Variants in CCDC171 observed in about 807,000 individuals in gnomAD.
CCDC171 encodes the protein coiled-coil domain-containing protein 171.
A neutral mutation model predicts 168.2 loss-of-function variants in CCDC171; 177 were observed. The ratio of observed to expected loss-of-function variants is 1.05; its 90% CI spans 0.93 to 1.19. The LOEUF (loss-of-function observed/expected upper bound fraction) is 1.19. Ranked by LOEUF, CCDC171 falls within the 50% of genes most tolerant of loss-of-function variation. CCDC171 has a pLI of 0.00. For missense variants in CCDC171, 1,991 were observed against 1,539.0 expected (o/e 1.29, Z -4.91); for synonymous variants, 687 against 540.8 (o/e 1.27, Z -3.75).
chr9:15,691,729 G>A (rs896459414), intron 10 of CCDC171, among the ~76,000 whole-genome samples: 1 of 151,984 alleles, frequency 6.6e-6, no homozygotes, highest in Non-Finnish European at 1.5e-5. Flanking sequence ...CCAGGCCGGA[G>A]TGCAGTGGCA....
intron 14 of CCDC171, among the ~76,000 whole-genome samples, chr9:15,725,180 A>G (rs1281311901): frequency 6.6e-6 from 1 of 151,964 alleles, no homozygotes; most frequent in Non-Finnish European, 1.5e-5. Context: ...TGCACAACTA[A>G]TTTTTTTTGT....
intron 21 of CCDC171, among the ~76,000 whole-genome samples, chr9:15,808,421 G>T (rs1032182641): frequency 6.6e-6 from 1 of 152,140 alleles, no homozygotes; most frequent in East Asian, 1.9e-4. Context: ...AGACAGAGGG[G>T]CAAGGGATGA....
chr9:15,654,357 A>G (rs1213660740), intron 7 of CCDC171, among the ~76,000 whole-genome samples: 3 of 152,228 alleles, frequency 2.0e-5, no homozygotes, highest in Non-Finnish European at 4.4e-5. Context: ...ATCCTGAAGC[A>G]GGATTACTCC....
Position 15,931,434 on chromosome 9 carries a change from G to GTCTT in CCDC171, c.3753+11034_3753+11037dup, listed in dbSNP as rs1196672414. Among the ~76,000 whole-genome samples, 147 of 120,584 alleles carry GTCTT rather than the reference G, an allele frequency of 1.2e-3. 1 individual carries two copies. The highest frequency in any genetic ancestry group is 3.5e-3 in the African/African-American group (115 of 32,858). 79.1% of individuals were successfully genotyped at this position (120,584 alleles called of 152,430 possible). On this transcript the variant is annotated intron_variant, in intron 25 of 25. Coordinates refer to ENST00000380701, the MANE Select transcript of CCDC171 (RefSeq NM_173550.4). ...GTCTTTTGCCTATTTTTAAATTGGGGTCTTTCTTTCTTTCTTTCTTTCTTT... is the reference window on the plus strand; with the variant it reads ...GTCTTTTGCCTATTTTTAAATTGGGGTCTTTCTTTCTTTCTTTCTTTCTTTCTTT...
chr9:15,842,174 C>T (rs539659751), intron 21 of CCDC171, among the ~76,000 whole-genome samples: 150 of 152,052 alleles, frequency 9.9e-4, no homozygotes, highest in South Asian at 1.9e-3. Flanking sequence ...ATTGAATAAG[C>T]CATTAGCTTT....
intron 7 of CCDC171, among the ~76,000 whole-genome samples, chr9:15,640,511 C>T (rs1245757447): frequency 6.6e-6 from 1 of 152,056 alleles, no homozygotes; most frequent in Admixed American, 6.6e-5. Context: ...AGAACATACA[C>T]GAGAGTTCTT....
chr9:16,085,421 T>C, the CCDC171 span, among the ~76,000 whole-genome samples: 16 of 152,320 alleles, frequency 1.1e-4, no homozygotes, highest in East Asian at 3.1e-3. Context: ...CTGAAGTCAC[T>C]GTAATTTCAA....
At chr9:15,709,117 C>T (rs2052466795) in intron 11 of CCDC171, among the ~76,000 whole-genome samples, 1 of 152,076 alleles carries the variant, frequency 6.6e-6, no homozygotes, top group Admixed American at 6.6e-5. Flanking sequence ...AGCTATTTGG[C>T]ATCCACAGTA....
At chr9:15,772,273 C>A (rs1355121824) in intron 18 of CCDC171, among the ~76,000 whole-genome samples, 2 of 152,154 alleles carry the variant, frequency 1.3e-5, no homozygotes, top group Non-Finnish European at 2.9e-5. Context: ...TTCCACCTCT[C>A]TTCTAGTACC....
intron 7 of CCDC171, among the ~76,000 whole-genome samples, chr9:15,636,289 T>A (rs907595745): frequency 6.6e-6 from 1 of 152,156 alleles, no homozygotes; most frequent in Non-Finnish European, 1.5e-5. Context: ...CACACATGGG[T>A]TATTTTTTAC....
intron 25 of CCDC171, among the ~76,000 whole-genome samples, chr9:15,950,182 C>G (rs1457072179): frequency 6.6e-6 from 1 of 152,048 alleles, no homozygotes; most frequent in Non-Finnish European, 1.5e-5. Context: ...GAGAATGGAA[C>G]CAAGTTGGAA....
chr9:15,748,292 G>A (rs761714854), intron 18 of CCDC171, among the ~76,000 whole-genome samples: 6 of 152,118 alleles, frequency 3.9e-5, no homozygotes, highest in Non-Finnish European at 7.4e-5. Flanking sequence ...TAAAAAAAAT[G>A]AACAAAGCCT....
chr9:15,748,628 G>A (rs1285255325), intron 18 of CCDC171, among the ~76,000 whole-genome samples: 1 of 152,174 alleles, frequency 6.6e-6, no homozygotes, highest in Non-Finnish European at 1.5e-5. Context: ...GGATCTCTTA[G>A]CAGAAACCCT....
chr9:16,070,817 G>A, the CCDC171 span, among the ~76,000 whole-genome samples: 3 of 152,114 alleles, frequency 2.0e-5, no homozygotes, highest in Admixed American at 6.5e-5. Context: ...CTCTCTGACC[G>A]CACTCATTCC....
chr9:15,758,142 C>T (rs1489329099), intron 18 of CCDC171, among the ~76,000 whole-genome samples: 1 of 152,216 alleles, frequency 6.6e-6, no homozygotes, highest in Non-Finnish European at 1.5e-5. Context: ...ACAGCTCGCA[C>T]TGTTCACTTG....
intron 25 of CCDC171, among the ~76,000 whole-genome samples, chr9:15,945,051 C>G (rs1471563200): frequency 6.6e-6 from 1 of 151,462 alleles, no homozygotes; most frequent in Non-Finnish European, 1.5e-5. Flanking sequence ...CACAACAGTC[C>G]CCAGAGTGTG....
chr9:15,964,310 T>G (rs1209403711), intron 25 of CCDC171, among the ~76,000 whole-genome samples: 1 of 152,226 alleles, frequency 6.6e-6, no homozygotes, highest in East Asian at 1.9e-4. Flanking sequence ...GTGTTGCACA[T>G]ATTTTTACCA....
chr9:15,707,700 T>C (rs1237176198), intron 11 of CCDC171, among the ~76,000 whole-genome samples: 1 of 152,234 alleles, frequency 6.6e-6, no homozygotes, highest in African/African-American at 2.4e-5. Flanking sequence ...CTTTCCTACT[T>C]TTTCTGGAGA....
At chr9:15,709,559 C>T (rs904186827) in intron 11 of CCDC171, among the ~76,000 whole-genome samples, 4 of 151,972 alleles carry the variant, frequency 2.6e-5, no homozygotes, top group Non-Finnish European at 4.4e-5. Flanking sequence ...AGACATAATT[C>T]AAAAATACTT....
Sources: gnomAD v4.1 joint callset for allele counts (sites outside exome capture counted in the v4.1 genomes callset) on GRCh38, gnomAD v4.1.1 for gene constraint, MANE v1.5 for transcripts, NCBI Gene and HGNC (gene_info 2026-07-23, HGNC 2026-07-21) for gene names.